Variants in ATP2C2 observed in about 807,000 individuals in gnomAD.
ATP2C2 encodes ATPase secretory pathway Ca2+ transporting 2, also known as calcium-transporting ATPase type 2C member 2.
In ATP2C2, 171 loss-of-function variants were observed where a neutral mutation model predicts 110.8. The observed-to-expected ratio is 1.54, with a 90% confidence interval of 1.36 to 1.75. The LOEUF (loss-of-function observed/expected upper bound fraction) is 1.75. ATP2C2 is among the 40% of genes most tolerant of loss of function. The pLI is 0.00. For missense variants in ATP2C2, 1,963 were observed against 1,235.0 expected (o/e 1.59, Z -8.84); for synonymous variants, 804 against 508.4 (o/e 1.58, Z -7.82).
At chr16:84,386,734 C>G (rs573491493) in intron 1 of ATP2C2, among the ~76,000 whole-genome samples, 3 of 152,066 alleles carry the variant, frequency 2.0e-5, no homozygotes, top group African/African-American at 7.2e-5. Context: ...TTCCTCACAT[C>G]AATGCTAGGT....
At chr16:84,450,058 C>G (rs1028895345) in intron 17 of ATP2C2, among the ~76,000 whole-genome samples, 1 of 152,252 alleles carries the variant, frequency 6.6e-6, no homozygotes, top group African/African-American at 2.4e-5. Context: ...AGCGTAATGA[C>G]GCGTTCCAGG....
Position 84,426,947 on chromosome 16 carries a change from G to C in ATP2C2, c.986+1146G>C, listed in dbSNP as rs529634364. ...CACGGGCAGCCCAGCATCGTGCAGCGGTTTGACTTTGTCAGTAGTTCTTCT... is the reference window on the plus strand; with the variant it reads ...CACGGGCAGCCCAGCATCGTGCAGCCGTTTGACTTTGTCAGTAGTTCTTCT... On this transcript the variant is annotated intron_variant, in intron 11 of 26. Coordinates refer to ENST00000262429, the MANE Select transcript of ATP2C2 (RefSeq NM_014861.4). Among the ~76,000 whole-genome samples, 28 of 152,276 alleles carry C rather than the reference G, an allele frequency of 1.8e-4. No homozygotes were observed. In the South Asian group the frequency reaches 5.4e-3, roughly 29 times the overall value.
At chr16:84,392,368 C>G (rs1904711597) in intron 1 of ATP2C2, among the ~76,000 whole-genome samples, 1 of 152,180 alleles carries the variant, frequency 6.6e-6, no homozygotes. Context: ...CTAAACACTG[C>G]TTCACGCTGG....
At chr16:84,372,984 G>C (rs922670992) in intron 1 of ATP2C2, among the ~76,000 whole-genome samples, 12 of 151,564 alleles carry the variant, frequency 7.9e-5, no homozygotes, top group Non-Finnish European at 1.5e-4. Flanking sequence ...GCCAGGCGAG[G>C]TGGCAGGCAC....
intron 11 of ATP2C2, 166 bp downstream of exon 11, chr16:84,425,967 C>T: frequency 1.3e-6 from 1 of 743,740 alleles, no homozygotes; most frequent in Non-Finnish European, 2.3e-6. Context: ...CCGACAGGTA[C>T]AGAGTGCCCG....
At chr16:84,449,215 T>C (rs1185075490) in intron 17 of ATP2C2, among the ~76,000 whole-genome samples, 1 of 152,182 alleles carries the variant, frequency 6.6e-6, no homozygotes, top group Non-Finnish European at 1.5e-5. Context: ...TGGGGGAAAG[T>C]GAGAGGCTTT....
At chr16:84,443,765 A>AC (rs1257946846) in intron 15 of ATP2C2, among the ~76,000 whole-genome samples, 1 of 151,808 alleles carries the variant, frequency 6.6e-6, no homozygotes, top group Middle Eastern at 3.2e-3. Context: ...CAAGACTCCA[A>AC]CCTCCCACAC....
At chr16:84,388,678 G>A (rs1904465700) in intron 1 of ATP2C2, among the ~76,000 whole-genome samples, 1 of 152,218 alleles carries the variant, frequency 6.6e-6, no homozygotes, top group African/African-American at 2.4e-5. Context: ...TTTTGTTCTT[G>A]TGTCATTCTG....
At chr16:84,389,406 G>A (rs1055279991) in intron 1 of ATP2C2, among the ~76,000 whole-genome samples, 1 of 152,194 alleles carries the variant, frequency 6.6e-6, no homozygotes, top group African/African-American at 2.4e-5. Context: ...GCATCTCTCG[G>A]CTTGTTCATG....
intron 26 of ATP2C2, chr16:84,462,392 G>C (rs777207929): frequency 9.8e-6 from 4 of 409,612 alleles, no homozygotes; most frequent in East Asian, 4.0e-5. Context: ...CGGCATCCCA[G>C]GCGTCGGGCT....
chr16:84,385,691 G>A (rs548412613), intron 1 of ATP2C2, among the ~76,000 whole-genome samples: 23 of 152,290 alleles, frequency 1.5e-4, no homozygotes, highest in African/African-American at 5.1e-4. Context: ...CAGTCATGGC[G>A]GAAGGCACCT....
chr16:84,459,784 T>C, intron 23 of ATP2C2: 1 of 555,674 alleles, frequency 1.8e-6, no homozygotes, highest in Non-Finnish European at 3.2e-6. Flanking sequence ...ACACTTTTCC[T>C]TATGGATCTG....
In ATP2C2 at chr16:84,418,697, G is replaced by C. The variant is rs559240799; in HGVS notation, c.624+3106G>C. Among the ~76,000 whole-genome samples, 4 of 152,296 alleles carry C rather than the reference G, an allele frequency of 2.6e-5. No individual in the cohort carries two copies. In the South Asian group the frequency reaches 8.3e-4, roughly 32 times the overall value. ...ATGACCCCGGGCCTCTAGCTCCGCA[G>C]CCCATGTCCTTACCCCCAGGACGTT... On this transcript the variant is annotated intron_variant, in intron 7 of 26. Transcript: ENST00000262429.
Position 84,462,260 on chromosome 16 carries a change from C to T in ATP2C2, c.2722+131C>T, listed in dbSNP as rs1324580589. 1.2e-5 allele frequency: 14 copies of T among 1,183,176 alleles called. No homozygotes were observed. In the East Asian group the frequency reaches 1.9e-4, roughly 16 times the overall value. The allele number at this position is 1,183,176 out of a possible 1,614,324, so 73.3% of individuals were successfully genotyped here. ...AGAGCTCACCAGGGGCCGGCTCTGTCTTCAGGGCCCTTCTGTCCTCACAGG... is the reference window on the plus strand; with the variant it reads ...AGAGCTCACCAGGGGCCGGCTCTGTTTTCAGGGCCCTTCTGTCCTCACAGG... On this transcript the variant is annotated intron_variant, in intron 26 of 26. Transcript: ENST00000262429.
Position 84,453,376 on chromosome 16 carries a change from G to T in ATP2C2, c.1980+5G>T. ...CACAAGCTCAAAATCATCAAGGTTC[G>T]CTGGGCAAGGCAGGCACAGGCTGCG... On this transcript the variant is annotated splice_donor_5th_base_variant and intron_variant, in intron 20 of 26. Coordinates refer to ENST00000262429, the MANE Select transcript of ATP2C2 (RefSeq NM_014861.4). 6.2e-7 allele frequency: 1 copy of T among 1,614,104 alleles called. No individual in the cohort carries two copies. Among genetic ancestry groups the T allele is most frequent in the Non-Finnish European group, 8.5e-7 (1 of 1,179,994 alleles).
chr16:84,391,955 A>G (rs1387930681), intron 1 of ATP2C2, among the ~76,000 whole-genome samples: 8 of 149,252 alleles, frequency 5.4e-5, no homozygotes, highest in Non-Finnish European at 1.2e-4. Flanking sequence ...TATTACGACG[A>G]TTGTTCTGCA....
At chr16:84,428,863 G>A (rs1337161767) in intron 11 of ATP2C2, among the ~76,000 whole-genome samples, 1 of 152,226 alleles carries the variant, frequency 6.6e-6, no homozygotes, top group Non-Finnish European at 1.5e-5. Context: ...AATGAGCGGA[G>A]ATGTATGCCA....
intron 10 of ATP2C2, among the ~76,000 whole-genome samples, chr16:84,423,508 G>A (rs763904458): frequency 1.3e-5 from 2 of 152,198 alleles, no homozygotes; most frequent in Non-Finnish European, 1.5e-5. Flanking sequence ...TGCTCACACC[G>A]CAGTCCAAAG....
At chr16:84,460,231 G>A (rs959567629) in intron 23 of ATP2C2, 2 of 229,348 alleles carry the variant, frequency 8.7e-6, no homozygotes, top group East Asian at 1.2e-4. Flanking sequence ...CATACCGCCT[G>A]CTGCGGGTCT....
Sources: allele counts gnomAD v4.1 joint callset (sites outside exome capture counted in the v4.1 genomes callset), GRCh38; gene constraint gnomAD v4.1.1; transcripts MANE v1.5; gene names NCBI Gene and HGNC (gene_info 2026-07-23, HGNC 2026-07-21).